GABRG3: variants seen among roughly 807,000 people sequenced by gnomAD.
GABRG3 encodes gamma-aminobutyric acid receptor subunit gamma-3.
In GABRG3, 25 loss-of-function variants were observed where a neutral mutation model predicts 48.8. That is an observed-to-expected ratio of 0.51 (90% CI 0.37 to 0.72). The LOEUF (loss-of-function observed/expected upper bound fraction) is 0.72, where lower values mean the gene tolerates loss of function less well. Among genes scored for constraint, GABRG3 ranks in the 30% least tolerant of loss-of-function variants. GABRG3 has a pLI of 0.00. For synonymous variants in GABRG3, 227 were observed against 217.6 expected, an observed-to-expected ratio of 1.04 and a Z score of -0.38; for missense variants, 394 against 577.9, an observed-to-expected ratio of 0.68 and a Z score of 3.26.
At chr15:27,414,863 C>G (rs1191036823) in intron 5 of GABRG3, among the ~76,000 whole-genome samples, 2 of 152,182 alleles carry the variant, frequency 1.3e-5, no homozygotes, top group Non-Finnish European at 2.9e-5. Context: ...AAGTAGGTGT[C>G]AAAGTCTTCA....
chr15:27,450,240 G>C (rs888208547), intron 5 of GABRG3, among the ~76,000 whole-genome samples: 6 of 152,018 alleles, frequency 3.9e-5, no homozygotes, highest in African/African-American at 1.5e-4. Flanking sequence ...CGCATATGTT[G>C]CTTCAAAATA....
chr15:27,495,912 G>A (rs1890475661), intron 6 of GABRG3, among the ~76,000 whole-genome samples: 1 of 152,130 alleles, frequency 6.6e-6, no homozygotes, highest in Non-Finnish European at 1.5e-5. Flanking sequence ...TTTACTATTA[G>A]GCTCTGAATC....
At chr15:27,417,591 G>A (rs550535217) in intron 5 of GABRG3, among the ~76,000 whole-genome samples, 11 of 152,256 alleles carry the variant, frequency 7.2e-5, no homozygotes, top group African/African-American at 2.6e-4. Flanking sequence ...CCTTCACAGT[G>A]TGTCCGCTTT....
chr15:27,242,286 C>T (rs1890150220), intron 3 of GABRG3, among the ~76,000 whole-genome samples: 1 of 152,148 alleles, frequency 6.6e-6, no homozygotes, highest in African/African-American at 2.4e-5. Flanking sequence ...TATAAGAGTT[C>T]CCTTATAAGG....
rs1430128556 is a variant in GABRG3 at position 27,046,045 on chromosome 15, G to A, written c.270+19224G>A. Among the ~76,000 whole-genome samples, 4 of 152,170 alleles carry A rather than the reference G, an allele frequency of 2.6e-5. No individual in the cohort carries two copies. In the East Asian group the frequency reaches 7.7e-4, roughly 29 times the overall value. ...GGGAAGCGTCACGGAAGTGTGAAGG[G>A]CGAGGGAAGGGATGCCCTTGAATCC... On this transcript the variant is annotated intron_variant, in intron 3 of 9. Coordinates refer to ENST00000615808, the MANE Select transcript of GABRG3 (RefSeq NM_033223.5).
At chr15:27,398,133 A>G (rs562866383) in intron 5 of GABRG3, among the ~76,000 whole-genome samples, 2 of 152,168 alleles carry the variant, frequency 1.3e-5, no homozygotes, top group African/African-American at 2.4e-5. Flanking sequence ...TATAATCTAT[A>G]CCATTTATAA....
Position 27,447,580 on chromosome 15 carries a change from A to C in GABRG3, c.575-33070A>C, listed in dbSNP as rs1888979475. ...TGACAGGGCTGAGAGATGGGGACAG[A>C]TTTGACACAGACCTACACATGCTGA... On this transcript the variant is annotated intron_variant, in intron 5 of 9. Coordinates refer to ENST00000615808, the MANE Select transcript of GABRG3 (RefSeq NM_033223.5). This position sits in a 1 kb window ranked among gnomAD's most constrained non-coding sequence, Gnocchi z 4.0. Among the ~76,000 whole-genome samples the C allele has an allele frequency of 6.6e-6, 1 of 151,734 alleles. No homozygotes were observed. The highest frequency in any genetic ancestry group is 6.6e-5 in the Admixed American group (1 of 15,248).
rs767405476 is a variant in GABRG3, at chr15:27,282,576, T to C, written c.271-44233T>C. ...TTCCATTTGGTTCTACTTTGTATCA[T>C]AGGTTTTTTTGTGTATGCGATTTTT... On this transcript the variant is annotated intron_variant, in intron 3 of 9. Coordinates refer to ENST00000615808, the MANE Select transcript of GABRG3 (RefSeq NM_033223.5). Among the ~76,000 whole-genome samples the C allele has an allele frequency of 7.8e-4, 118 of 152,236 alleles. 1 individual carries two copies. Among genetic ancestry groups the C allele is most frequent in the Non-Finnish European group, 1.4e-3 (92 of 68,046 alleles).
chr15:27,248,767 AACACACACACACAC>A (rs150140195), intron 3 of GABRG3, among the ~76,000 whole-genome samples: 1 of 117,004 alleles, frequency 8.5e-6, no homozygotes, highest in Non-Finnish European at 1.6e-5. Flanking sequence ...TGAGAAGGAA[AACACACACACACAC>A]ACACACACAC....
rs184033515 is a variant in GABRG3 at position 27,205,290 on chromosome 15, T to G, written c.271-121519T>G. On this transcript the variant is annotated intron_variant, in intron 3 of 9. Coordinates refer to ENST00000615808, the MANE Select transcript of GABRG3 (RefSeq NM_033223.5). Reference sequence around the variant, plus strand: ...AGGGATGTTGAATTTTACAGAAAGTTTTTTTGTCTCTATTGAGATGATCAT... The same window carrying G: ...AGGGATGTTGAATTTTACAGAAAGTGTTTTTGTCTCTATTGAGATGATCAT... 6.8e-3 allele frequency among the ~76,000 whole-genome samples: 1,030 copies of G among 152,214 alleles called. 6 individuals are homozygous for G. The highest frequency in any genetic ancestry group is 0.017 in the Middle Eastern group (5 of 294).
At chr15:27,409,257 A>G (rs553442246) in intron 5 of GABRG3, among the ~76,000 whole-genome samples, 9 of 152,108 alleles carry the variant, frequency 5.9e-5, no homozygotes, top group Non-Finnish European at 1.2e-4. Flanking sequence ...TCTATTTTGA[A>G]TTAATTTTTG....
intron 3 of GABRG3, among the ~76,000 whole-genome samples, chr15:27,242,066 G>T: frequency 6.6e-6 from 1 of 152,142 alleles, no homozygotes; most frequent in East Asian, 1.9e-4. Context: ...GCTGTGTCCC[G>T]AATTGCTTCC....
intron 1 of GABRG3, 124 bp downstream of exon 1, chr15:26,971,712 AG>A (rs967454206): frequency 1.5e-5 from 17 of 1,131,230 alleles, no homozygotes; most frequent in Non-Finnish European, 2.0e-5. Context: ...GCGGGCCGGG[AG>A]GGGACTGGGA....
chr15:27,267,442 A>ATTTTTTTTTTTTTTT (rs34989689), intron 3 of GABRG3, among the ~76,000 whole-genome samples: 1 of 145,032 alleles, frequency 6.9e-6, no homozygotes, highest in Non-Finnish European at 1.5e-5. Flanking sequence ...TAGCTCAAGG[A>ATTTTTTTTTTTTTTT]TTTTTTTTTT....
In GABRG3 at chr15:27,326,952, C is replaced by A. The variant is rs181418357; in HGVS notation, c.414C>A (p.Thr138=). 6.2e-7 allele frequency: 1 copy of A among 1,613,986 alleles called. No individual in the cohort carries two copies. Among genetic ancestry groups the A allele is most frequent in the Non-Finnish European group, 8.5e-7 (1 of 1,179,882 alleles). ...ACACCATCTTCCGCAATTCTAAAAC[C>A]GCAGAGGCTCACTGGATCACCACAC... ...IPDTIFRNSK[T]AEAHWITTPN... is the part of the protein sequence containing the mutation. Residue 138 remains threonine (T), a synonymous_variant, in exon 4 of 10, where the codon ACC becomes ACA. Coordinates refer to ENST00000615808, the MANE Select transcript of GABRG3 (RefSeq NM_033223.5).
chr15:27,407,337 A>G (rs978363327), intron 5 of GABRG3, among the ~76,000 whole-genome samples: 1 of 152,218 alleles, frequency 6.6e-6, no homozygotes, highest in African/African-American at 2.4e-5. Context: ...GATATGGAGC[A>G]GCAGGAACTC....
chr15:27,328,739 C>A, intron 4 of GABRG3, 67 bp from the exon 5 acceptor site: 3 of 1,360,880 alleles, frequency 2.2e-6, no homozygotes, highest in Non-Finnish European at 2.1e-6. Context: ...ACATGGGGTG[C>A]CGTAACGGCC....
At chr15:27,017,280 AG>A in intron 2 of GABRG3, among the ~76,000 whole-genome samples, 1 of 152,212 alleles carries the variant, frequency 6.6e-6, no homozygotes, top group East Asian at 1.9e-4. Context: ...TTGGTACAAA[AG>A]TAATTTCGAA....
intron 3 of GABRG3, among the ~76,000 whole-genome samples, chr15:27,256,241 G>C (rs530629428): frequency 6.6e-6 from 1 of 152,052 alleles, no homozygotes; most frequent in East Asian, 1.9e-4. Flanking sequence ...AGGAGATCAA[G>C]ACCATCCTGG....
Sources: allele counts gnomAD v4.1 joint callset (sites outside exome capture counted in the v4.1 genomes callset), GRCh38; gene constraint gnomAD v4.1.1; non-coding constraint Gnocchi (gnomAD v3.1); transcripts MANE v1.5; gene names NCBI Gene and HGNC (gene_info 2026-07-23, HGNC 2026-07-21).